The following SAMMSON variants were observed in gnomAD, a reference collection of about 807,000 sequenced individuals.
SAMMSON encodes survival associated mitochondrial melanoma specific oncogenic non-coding RNA, also known as long intergenic non-protein coding RNA 1212.
intron 4 of SAMMSON, among the ~76,000 whole-genome samples, chr3:70,207,914 G>A (rs903646875): frequency 3.9e-5 from 6 of 152,014 alleles, no homozygotes; most frequent in Admixed American, 6.6e-5. Flanking sequence ...ATGATTGGGA[G>A]TCTGCTCTGC....
chr3:70,401,435 A>G (rs1701141244), intron 2 of SAMMSON, among the ~76,000 whole-genome samples: 2 of 152,204 alleles, frequency 1.3e-5, no homozygotes, highest in African/African-American at 2.4e-5. Flanking sequence ...TTAAAGTCAC[A>G]TGAATGTTCT....
chr3:70,378,797 T>C (rs576413929), intron 9 of SAMMSON, among the ~76,000 whole-genome samples: 3 of 152,146 alleles, frequency 2.0e-5, no homozygotes, highest in African/African-American at 7.2e-5. Flanking sequence ...TGTGACATCA[T>C]ATGCAATGAC....
chr3:70,023,621 C>G (rs1348133710), intron 3 of SAMMSON, among the ~76,000 whole-genome samples: 1 of 152,042 alleles, frequency 6.6e-6, no homozygotes, highest in African/African-American at 2.4e-5. Flanking sequence ...AAATGTGAAT[C>G]TTAACTCTGC....
chr3:70,425,400 A>ATTATTTATTTATTTATTTATTTAT (rs140781474), intron 2 of SAMMSON, among the ~76,000 whole-genome samples: 11 of 150,684 alleles, frequency 7.3e-5, no homozygotes, highest in African/African-American at 2.7e-4. Context: ...CTATTTTTTT[A>ATTATTTATTTATTTATTTATTTAT]TTATTTATTT....
chr3:70,181,034 C>G (rs1283221344), intron 4 of SAMMSON, among the ~76,000 whole-genome samples: 1 of 152,026 alleles, frequency 6.6e-6, no homozygotes, highest in Non-Finnish European at 1.5e-5. Flanking sequence ...CCCGGCCTGG[C>G]AAGTCATGGT....
intron 3 of SAMMSON, among the ~76,000 whole-genome samples, chr3:70,027,080 T>G (rs1471283187): frequency 1.3e-5 from 2 of 152,198 alleles, no homozygotes; most frequent in Non-Finnish European, 2.9e-5. Flanking sequence ...ATCACACTCC[T>G]GTTCATGATT....
intron 6 of SAMMSON, among the ~76,000 whole-genome samples, chr3:70,278,038 A>T (rs1702044487): frequency 6.6e-6 from 1 of 152,108 alleles, no homozygotes; most frequent in Admixed American, 6.6e-5. Flanking sequence ...CACCTATCTA[A>T]CCACCACCCC....
intron 6 of SAMMSON, among the ~76,000 whole-genome samples, chr3:70,251,623 T>C (rs1463303584): frequency 2.0e-5 from 3 of 152,182 alleles, no homozygotes; most frequent in Non-Finnish European, 4.4e-5. Context: ...GACAGCAATA[T>C]ACCTGCAAAT....
chr3:70,101,196 T>C (rs1229521231), intron 4 of SAMMSON, among the ~76,000 whole-genome samples: 1 of 152,152 alleles, frequency 6.6e-6, no homozygotes, highest in Non-Finnish European at 1.5e-5. Flanking sequence ...CTCCTCCAAA[T>C]TGCCTTTGTT....
intron 3 of SAMMSON, among the ~76,000 whole-genome samples, chr3:70,039,845 G>A (rs775580595): frequency 6.6e-6 from 1 of 152,034 alleles, no homozygotes; most frequent in Non-Finnish European, 1.5e-5. Flanking sequence ...CTTCAGGGAG[G>A]ATACATTTGG....
At chr3:70,339,461 C>T (rs1245726329) in intron 7 of SAMMSON, among the ~76,000 whole-genome samples, 1 of 152,196 alleles carries the variant, frequency 6.6e-6, no homozygotes, top group Non-Finnish European at 1.5e-5. Flanking sequence ...TCAGAGTCAA[C>T]ATGCAACCTA....
chr3:70,298,052 C>G (rs1180214614), intron 7 of SAMMSON, among the ~76,000 whole-genome samples: 2 of 151,920 alleles, frequency 1.3e-5, no homozygotes, highest in Admixed American at 6.6e-5. Context: ...CAATCGGGTG[C>G]TATTTGCTGA....
chr3:70,344,168 C>T (rs805470), intron 7 of SAMMSON, among the ~76,000 whole-genome samples: 16,668 of 152,028 alleles, frequency 0.11, 1,009 homozygotes, highest in South Asian at 0.16. Context: ...TAAGAACAGG[C>T]ATTCCTGTTT....
chr3:70,091,089 G>T (rs1361517968), intron 4 of SAMMSON, among the ~76,000 whole-genome samples: 1 of 152,128 alleles, frequency 6.6e-6, no homozygotes, highest in Non-Finnish European at 1.5e-5. Flanking sequence ...TACAAATGGG[G>T]TGAATCGACA....
chr3:70,173,966 T>C (rs2106701378), intron 4 of SAMMSON, among the ~76,000 whole-genome samples: 1 of 152,056 alleles, frequency 6.6e-6, no homozygotes, highest in East Asian at 1.9e-4. Flanking sequence ...GGAATCTGAA[T>C]GGCTGATTAG....
chr3:70,178,089 C>T (rs991448024), intron 4 of SAMMSON, among the ~76,000 whole-genome samples: 1 of 152,070 alleles, frequency 6.6e-6, no homozygotes, highest in Admixed American at 6.5e-5. Flanking sequence ...CAGGGCCATC[C>T]TAGGAGCAGT....
At chr3:70,214,359 T>G (rs935465006) in intron 4 of SAMMSON, among the ~76,000 whole-genome samples, 1 of 152,122 alleles carries the variant, frequency 6.6e-6, no homozygotes, top group East Asian at 1.9e-4. Flanking sequence ...AAACGTTAGA[T>G]GAAATGTTTA....
chr3:70,170,479 T>C (rs2106698950), intron 4 of SAMMSON, among the ~76,000 whole-genome samples: 1 of 151,824 alleles, frequency 6.6e-6, no homozygotes, highest in East Asian at 1.9e-4. Context: ...ATAATATTTT[T>C]ACTTTATACC....
intron 4 of SAMMSON, chr3:70,249,021 CG>C (rs1338234723): frequency 1.3e-5 from 2 of 152,120 alleles, no homozygotes; most frequent in African/African-American, 2.4e-5. Flanking sequence ...GAGATATTAT[CG>C]TAAGTTCACA....
Sources: gnomAD v4.1 joint callset for allele counts (sites outside exome capture counted in the v4.1 genomes callset) on GRCh38, gnomAD v4.1.1 for gene constraint, MANE v1.5 for transcripts, NCBI Gene and HGNC (gene_info 2026-07-23, HGNC 2026-07-21) for gene names.